GRIK1: variants seen among roughly 807,000 people sequenced by gnomAD.
The protein encoded by GRIK1 is glutamate ionotropic receptor kainate type subunit 1.
In GRIK1, 69 loss-of-function variants were observed where a neutral mutation model predicts 105.7. The observed-to-expected ratio is 0.65, with a 90% CI of 0.54 to 0.80. The LOEUF (loss-of-function observed/expected upper bound fraction) is 0.80, where lower values mean the gene tolerates loss of function less well. GRIK1 is among the 30% of genes least tolerant of loss of function. The pLI is 0.00. For missense variants in GRIK1, 1,109 were observed against 1,167.3 expected (o/e 0.95, Z 0.73); for synonymous variants, 438 against 431.3 (o/e 1.02, Z -0.19).
intron 1 of GRIK1, among the ~76,000 whole-genome samples, chr21:29,747,323 G>C (rs2145628010): frequency 6.6e-6 from 1 of 152,298 alleles, no homozygotes; most frequent in African/African-American, 2.4e-5. Flanking sequence ...TAGGGAGTAA[G>C]AGCATCCTTT....
chr21:29,811,262 G>A (rs1210907868), intron 1 of GRIK1, among the ~76,000 whole-genome samples: 1 of 152,044 alleles, frequency 6.6e-6, no homozygotes, highest in Non-Finnish European at 1.5e-5. Flanking sequence ...TGCTTTCAAG[G>A]CATTAGACAA....
chr21:29,710,685 A>G (rs1020053911), intron 1 of GRIK1, among the ~76,000 whole-genome samples: 1 of 152,062 alleles, frequency 6.6e-6, no homozygotes, highest in Admixed American at 6.6e-5. Context: ...TTATATAACA[A>G]TTATCATTGG....
At chr21:29,698,674 A>G (rs2063757550) in intron 1 of GRIK1, among the ~76,000 whole-genome samples, 1 of 152,140 alleles carries the variant, frequency 6.6e-6, no homozygotes, top group African/African-American at 2.4e-5. Flanking sequence ...TATAGACTGG[A>G]AATGGTTGGG....
intron 1 of GRIK1, among the ~76,000 whole-genome samples, chr21:29,754,143 A>G (rs778045861): frequency 2.7e-4 from 41 of 152,198 alleles, no homozygotes; most frequent in Non-Finnish European, 5.0e-4. Flanking sequence ...CCTCTCCTGC[A>G]TAGTAAAATA....
chr21:29,687,517 TG>T (rs1245117253), intron 3 of GRIK1, among the ~76,000 whole-genome samples: 1 of 152,196 alleles, frequency 6.6e-6, no homozygotes, highest in African/African-American at 2.4e-5. Flanking sequence ...AATGTCTTTG[TG>T]GGCAAAAATC....
At chr21:29,922,615 T>G (rs2146329558) in intron 1 of GRIK1, among the ~76,000 whole-genome samples, 1 of 152,318 alleles carries the variant, frequency 6.6e-6, no homozygotes, top group East Asian at 1.9e-4. Context: ...TTTTCTTTAC[T>G]TTCAACTAAT....
At chr21:29,806,172 T>G (rs1274589783) in intron 1 of GRIK1, among the ~76,000 whole-genome samples, 1 of 152,164 alleles carries the variant, frequency 6.6e-6, no homozygotes, top group Non-Finnish European at 1.5e-5. Flanking sequence ...ATAATTCTGT[T>G]GCATCAAAAT....
chr21:29,809,775 G>A (rs2066961327), intron 1 of GRIK1, among the ~76,000 whole-genome samples: 2 of 152,112 alleles, frequency 1.3e-5, no homozygotes, highest in Non-Finnish European at 2.9e-5. Context: ...TTGATTTTAA[G>A]TAAGAGATGT....
intron 1 of GRIK1, among the ~76,000 whole-genome samples, chr21:29,719,599 A>AT (rs5843400): frequency 0.021 from 3,145 of 150,764 alleles, 111 homozygotes; most frequent in African/African-American, 0.071. Context: ...CACAGAGATG[A>AT]TTTTTTTTTT....
chr21:29,753,747 G>C (rs2065264324), intron 1 of GRIK1, among the ~76,000 whole-genome samples: 1 of 152,138 alleles, frequency 6.6e-6, no homozygotes, highest in African/African-American at 2.4e-5. Context: ...TTCATGTACA[G>C]GTGTATGAAA....
chr21:29,900,997 C>T (rs1039444592), intron 1 of GRIK1, among the ~76,000 whole-genome samples: 1 of 152,168 alleles, frequency 6.6e-6, no homozygotes, highest in Non-Finnish European at 1.5e-5. Context: ...CTCAAAACCA[C>T]ATAACTACAT....
chr21:29,814,279 C>T (rs2067093548), intron 1 of GRIK1, among the ~76,000 whole-genome samples: 3 of 151,754 alleles, frequency 2.0e-5, no homozygotes, highest in Non-Finnish European at 4.4e-5. Context: ...TCCCCTTTTG[C>T]TTGCAGCAGT....
At chr21:29,625,643 A>G (rs938859424) in intron 7 of GRIK1, among the ~76,000 whole-genome samples, 1 of 152,170 alleles carries the variant, frequency 6.6e-6, no homozygotes, top group Non-Finnish European at 1.5e-5. Context: ...ATCTGTTATA[A>G]TGTGACCAAA....
intron 1 of GRIK1, among the ~76,000 whole-genome samples, chr21:29,766,382 T>C (rs541012134): frequency 6.6e-6 from 1 of 152,244 alleles, no homozygotes; most frequent in Admixed American, 6.5e-5. Context: ...GGCCAGGGTG[T>C]TGCTAAACAT....
chr21:29,644,938 T>C (rs989616436), intron 6 of GRIK1, among the ~76,000 whole-genome samples: 3 of 152,218 alleles, frequency 2.0e-5, no homozygotes, highest in Admixed American at 6.5e-5. Context: ...AGATGTTAAA[T>C]GGGATCCCCA....
intron 1 of GRIK1, among the ~76,000 whole-genome samples, chr21:29,772,772 A>C (rs2065844773): frequency 6.6e-6 from 1 of 152,224 alleles, no homozygotes; most frequent in African/African-American, 2.4e-5. Flanking sequence ...GCAGTTTGCA[A>C]AGTAGATGGG....
At chr21:29,815,150 T>C (rs922324753) in intron 1 of GRIK1, among the ~76,000 whole-genome samples, 1 of 152,160 alleles carries the variant, frequency 6.6e-6, no homozygotes, top group Non-Finnish European at 1.5e-5. Flanking sequence ...CTTTTTTGCT[T>C]CTCCACTTTT....
In GRIK1 at chr21:29,810,315, A is replaced by G. The variant is rs929202082; in HGVS notation, c.119-116252T>C. Among the ~76,000 whole-genome samples, 10 of 150,294 alleles carry G rather than the reference A, an allele frequency of 6.7e-5. No homozygotes were observed. In the Middle Eastern group the frequency reaches 0.01, roughly 154 times the overall value. On this transcript the variant is annotated intron_variant, in intron 1 of 17. Transcript: ENST00000327783. The stretch of plus-strand genomic sequence containing the variant: ...CTGTCTTAAAAAAAAAAAAAAAATC[A>G]GTAATCACAGATTCACAGATCACCG...
At chr21:29,695,776 G>T (rs911679661) in intron 1 of GRIK1, among the ~76,000 whole-genome samples, 4 of 152,106 alleles carry the variant, frequency 2.6e-5, no homozygotes, top group African/African-American at 9.7e-5. Flanking sequence ...CCTGGCCCAG[G>T]CTGCTATTTT....
Sources: gnomAD v4.1 joint callset for allele counts (sites outside exome capture counted in the v4.1 genomes callset) on GRCh38, gnomAD v4.1.1 for gene constraint, MANE v1.5 for transcripts, NCBI Gene and HGNC (gene_info 2026-07-23, HGNC 2026-07-21) for gene names.